Variants in ADARB2 observed in about 807,000 individuals in gnomAD.
ADARB2 encodes inactive double-stranded RNA-specific editase B2.
ADARB2 carries 25 observed loss-of-function variants against 62.2 expected under a neutral mutation model. The ratio of observed to expected loss-of-function variants is 0.40; its 90% CI spans 0.29 to 0.56. The LOEUF is 0.56. Ranked by LOEUF, ADARB2 falls within the 20% of genes least tolerant of loss-of-function variation. The pLI, the probability that ADARB2 is intolerant of heterozygous loss-of-function variation, is 0.43. For synonymous variants in ADARB2, 572 were observed against 500.8 expected (o/e 1.14, Z -1.90); for missense variants, 1,071 against 1,077.4 (o/e 0.99, Z 0.08).
At chr10:1,310,147 G>A (rs1208816825) in intron 3 of ADARB2, among the ~76,000 whole-genome samples, 1 of 152,180 alleles carries the variant, frequency 6.6e-6, no homozygotes, top group African/African-American at 2.4e-5. Flanking sequence ...ATGTTGAATG[G>A]GGCCTATTTT....
In ADARB2 at chr10:1,233,776, C is replaced by G. The variant is rs201411121; in HGVS notation, c.1431G>C (p.Glu477Asp). Reference protein sequence around the residue: ...RLKEGGYRLRENILFHLYVST... With the variant: ...RLKEGGYRLRDNILFHLYVST... ...TCACGTAGAGATGGAAGAGGATGTTCTCTCGCAGCCGGTAGCCACCTTCTT... is the reference window on the plus strand; with the variant it reads ...TCACGTAGAGATGGAAGAGGATGTTGTCTCGCAGCCGGTAGCCACCTTCTT... Residue 477 changes from glutamate to aspartate, a missense_variant, in exon 6 of 10, where the codon GAG becomes GAC. By Grantham distance (45) the Glu-to-Asp change is conservative. Coordinates refer to ENST00000381312, the MANE Select transcript of ADARB2 (RefSeq NM_018702.4). 3.6e-4 allele frequency: 589 copies of G among 1,613,822 alleles called. No homozygotes were observed. The highest frequency in any genetic ancestry group is 4.9e-4 in the Non-Finnish European group (577 of 1,179,976).
At chr10:1,514,646 G>C (rs1354468554) in intron 1 of ADARB2, among the ~76,000 whole-genome samples, 1 of 151,916 alleles carries the variant, frequency 6.6e-6, no homozygotes, top group Non-Finnish European at 1.5e-5. Flanking sequence ...CCGAGACAGA[G>C]GAACTGAATT....
intron 1 of ADARB2, among the ~76,000 whole-genome samples, chr10:1,654,002 CG>C (rs1005919113): frequency 3.9e-5 from 6 of 151,982 alleles, no homozygotes; most frequent in African/African-American, 1.5e-4. Context: ...ACAGCTGCCC[CG>C]GGGGTCCTGG....
intron 5 of ADARB2, among the ~76,000 whole-genome samples, chr10:1,235,300 T>G (rs1220588920): frequency 2.3e-5 from 3 of 129,554 alleles, no homozygotes; most frequent in Non-Finnish European, 4.9e-5. Flanking sequence ...TCCTTCTGCA[T>G]CCAGCCATGA....
At chr10:1,439,525 A>G (rs1040542206) in intron 1 of ADARB2, among the ~76,000 whole-genome samples, 2 of 118,500 alleles carry the variant, frequency 1.7e-5, no homozygotes, top group African/African-American at 6.0e-5. Flanking sequence ...GCCCTTCACG[A>G]TGGGGCTCCT....
chr10:1,513,298 G>T (rs1191488805), intron 1 of ADARB2, among the ~76,000 whole-genome samples: 2 of 152,206 alleles, frequency 1.3e-5, no homozygotes, highest in African/African-American at 2.4e-5. Flanking sequence ...TAATGACAAA[G>T]CGTAACTAGA....
intron 1 of ADARB2, among the ~76,000 whole-genome samples, chr10:1,382,966 A>T (rs1459553843): frequency 6.6e-6 from 1 of 152,222 alleles, no homozygotes; most frequent in East Asian, 1.9e-4. Context: ...TGGGGGACGC[A>T]GTGGCCTGGG....
At chr10:1,707,781 G>T (rs549560051) in intron 1 of ADARB2, among the ~76,000 whole-genome samples, 1 of 152,312 alleles carries the variant, frequency 6.6e-6, no homozygotes, top group East Asian at 1.9e-4. Flanking sequence ...TGAAGATGAA[G>T]CTTGGTTAAA....
At chr10:1,330,238 T>C (rs1831916439) in intron 3 of ADARB2, among the ~76,000 whole-genome samples, 1 of 152,064 alleles carries the variant, frequency 6.6e-6, no homozygotes, top group African/African-American at 2.4e-5. Context: ...TGTGCAGCTG[T>C]GAGCCTTTCC....
intron 1 of ADARB2, among the ~76,000 whole-genome samples, chr10:1,386,940 T>C (rs1832530441): frequency 6.6e-6 from 1 of 151,928 alleles, no homozygotes; most frequent in Admixed American, 6.5e-5. Flanking sequence ...AATATAGTTA[T>C]GTTAAATATA....
rs531680142 is a variant in ADARB2 at position 1,523,987 on chromosome 10, T to A, written c.101-144827A>T. Among the ~76,000 whole-genome samples the A allele has an allele frequency of 2.0e-5, 3 of 152,306 alleles. No individual in the cohort carries two copies. The South Asian group carries it at 6.2e-4, about 32-fold the overall frequency. ...TCCATCTACTCATTCATTCACCTAT[T>A]CATTTTTTAATTAAGCATTTCATTA... On this transcript the variant is annotated intron_variant, in intron 1 of 9. Coordinates refer to ENST00000381312, the MANE Select transcript of ADARB2 (RefSeq NM_018702.4).
In ADARB2 at chr10:1,183,111, G is replaced by T; in HGVS notation, c.*82C>A. The stretch of plus-strand genomic sequence containing the variant: ...CAAAGTAAAACGAATGCAGGGAACC[G>T]GCCGACCCGCCACGTCGCCCCCCAG... On this transcript the variant is annotated 3_prime_UTR_variant, in exon 10 of 10. Coordinates refer to ENST00000381312, the MANE Select transcript of ADARB2 (RefSeq NM_018702.4). The T allele has an allele frequency of 1.3e-6, 2 of 1,505,684 alleles. No homozygotes were observed. Among genetic ancestry groups the T allele is most frequent in the South Asian group, 1.3e-5 (1 of 79,774 alleles). The allele number at this position is 1,505,684 out of a possible 1,614,324, so 93.3% of individuals were successfully genotyped here.
At chr10:1,321,048 G>A (rs1379383933) in intron 3 of ADARB2, among the ~76,000 whole-genome samples, 1 of 152,168 alleles carries the variant, frequency 6.6e-6, no homozygotes, top group Non-Finnish European at 1.5e-5. Flanking sequence ...CTAAACAACA[G>A]GTTTCATTCT....
chr10:1,630,844 A>G (rs1833833282), intron 1 of ADARB2, among the ~76,000 whole-genome samples: 2 of 151,944 alleles, frequency 1.3e-5, no homozygotes, highest in South Asian at 4.2e-4. Context: ...AGTCCCAGAT[A>G]CTCAGGAGGC....
intron 1 of ADARB2, among the ~76,000 whole-genome samples, chr10:1,715,483 A>G (rs897909733): frequency 2.6e-5 from 4 of 151,710 alleles, no homozygotes; most frequent in Non-Finnish European, 5.9e-5. Flanking sequence ...ATTTAAAAAA[A>G]TTGTAGATGA....
intron 1 of ADARB2, among the ~76,000 whole-genome samples, chr10:1,498,324 A>C (rs989276480): frequency 3.3e-5 from 5 of 152,154 alleles, no homozygotes; most frequent in African/African-American, 1.2e-4. Flanking sequence ...GCAGTAAGCC[A>C]AGATTACACC....
rs76852959 is a variant in ADARB2 at position 1,733,034 on chromosome 10, C to A, written c.100+4017G>T. ...TATAACCAACCACTCTAGAACAATA[C>A]CTAAATTTCAAGATAACTTATTTTG... On this transcript the variant is annotated intron_variant, in intron 1 of 9. Transcript: ENST00000381312. Among the ~76,000 whole-genome samples the A allele has an allele frequency of 1.2e-3, 187 of 152,284 alleles. 5 individuals are homozygous for A. The East Asian group carries it at 0.031, about 25-fold the overall frequency.
Position 1,216,973 on chromosome 10 carries a change from A to G in ADARB2, c.1660T>C (p.Ser554Pro). The G allele has an allele frequency of 6.2e-7, 1 of 1,608,374 alleles. No individual in the cohort carries two copies. Residue 554 changes from serine to proline, a missense_variant, in exon 7 of 10, where the codon TCC becomes CCC. Ser to Pro is a moderately conservative substitution (Grantham distance 74). Transcript: ENST00000381312. Reference protein sequence around the residue: ...VLLGEQLITMSCTDKIARWNV... With the variant: ...VLLGEQLITMPCTDKIARWNV... ...CACCTGGCGATCTTGTCCGTGCAGG[A>G]CATGGTGATCAGCTGCTCCCCCAGC... is the stretch of plus-strand genomic sequence containing the variant.
chr10:1,728,917 T>A (rs1835198640), intron 1 of ADARB2, among the ~76,000 whole-genome samples: 1 of 152,256 alleles, frequency 6.6e-6, no homozygotes, highest in Admixed American at 6.5e-5. Context: ...CTCATGCTAC[T>A]GTCTTGGAGT....
Sources: gnomAD v4.1 joint callset for allele counts (sites outside exome capture counted in the v4.1 genomes callset) on GRCh38, gnomAD v4.1.1 for gene constraint, MANE v1.5 for transcripts, NCBI Gene and HGNC (gene_info 2026-07-23, HGNC 2026-07-21) for gene names.